TRAF3IP3: variants seen among roughly 807,000 people sequenced by gnomAD.
TRAF3IP3 encodes TRAF3 interacting protein 3, also known as TRAF3-interacting JNK-activating modulator.
A neutral mutation model predicts 86.5 loss-of-function variants in TRAF3IP3; 64 were observed. That is an observed-to-expected ratio of 0.74 (90% CI 0.60 to 0.91). TRAF3IP3 has a LOEUF of 0.91. Ranked by LOEUF, TRAF3IP3 falls within the 40% of genes least tolerant of loss-of-function variation. The probability of loss-of-function intolerance (pLI) is 0.00; values close to 1 mark genes in which losing one functional copy is unlikely to be tolerated. For synonymous variants in TRAF3IP3, 220 were observed against 243.9 expected, an observed-to-expected ratio of 0.90 and a Z score of 0.91; for missense variants, 579 against 642.9, an observed-to-expected ratio of 0.90 and a Z score of 1.07.
chr1:209,769,578 C>A (rs889725993), intron 8 of TRAF3IP3, among the ~76,000 whole-genome samples: 14 of 152,356 alleles, frequency 9.2e-5, no homozygotes, highest in African/African-American at 3.4e-4. Context: ...CACCCCCTGG[C>A]TCCCATGGTT....
In TRAF3IP3 at chr1:209,760,317, C is replaced by T. The variant is rs1274828482; in HGVS notation, c.278C>T (p.Pro93Leu). Residue 93 changes from proline to leucine, a missense_variant, in exon 3 of 17, where the codon CCA becomes CTA. Transcript: ENST00000367025. ...QAREQGPSRR[P>L]GQVTVLKEPL... ...AGGGAGCAAGGGCCCTCCAGGCGGC[C>T]AGGACAGGTGACTGTCCTCAAGGAA... The T allele has an allele frequency of 8.7e-6, 14 of 1,613,826 alleles. No individual in the cohort carries two copies. Among genetic ancestry groups the T allele is most frequent in the African/African-American group, 1.3e-5 (1 of 74,930 alleles).
chr1:209,759,455 G>A (rs997963573), intron 2 of TRAF3IP3, among the ~76,000 whole-genome samples: 2 of 152,224 alleles, frequency 1.3e-5, no homozygotes, highest in African/African-American at 4.8e-5. Context: ...CTGAGGGGGT[G>A]TGGTTAGCCC....
chr1:209,775,802 C>G, intron 11 of TRAF3IP3, 66 bp downstream of exon 11: 1 of 1,503,452 alleles, frequency 6.7e-7, no homozygotes, highest in Non-Finnish European at 9.0e-7. Flanking sequence ...ATGAAAGAAG[C>G]TGTTCTGGAT....
chr1:209,770,287 G>A (rs2077440188), intron 8 of TRAF3IP3, among the ~76,000 whole-genome samples: 2 of 152,178 alleles, frequency 1.3e-5, no homozygotes, highest in Non-Finnish European at 2.9e-5. Flanking sequence ...CTTGAGTCTA[G>A]TATGTACGTG....
chr1:209,778,014 C>T, intron 12 of TRAF3IP3, 97 bp from the exon 13 acceptor site: 1 of 1,079,662 alleles, frequency 9.3e-7, no homozygotes, highest in Non-Finnish European at 1.4e-6. Context: ...CGTTAAAGAC[C>T]ATGACAAGAC....
At chr1:209,771,279 C>T (rs1456733843) in intron 8 of TRAF3IP3, among the ~76,000 whole-genome samples, 2 of 83,632 alleles carry the variant, frequency 2.4e-5, no homozygotes, top group Non-Finnish European at 4.7e-5. Flanking sequence ...AGGTGTGCAT[C>T]TGCATGTGAA....
chr1:209,770,933 C>T (rs180723626), intron 8 of TRAF3IP3, among the ~76,000 whole-genome samples: 2 of 129,498 alleles, frequency 1.5e-5, no homozygotes, highest in East Asian at 5.0e-4. Context: ...TGTGCGTGTG[C>T]AGGTGGAGGT....
rs1375773423 is a variant in TRAF3IP3, at chr1:209,779,313, A to G, written c.1253-2A>G. ...AGACAAGTTCCTTGTGTTTTCCAAC[A>G]GGTTTGCTTCAAAATCAATCCTTAC... On this transcript the variant is annotated splice_acceptor_variant, in intron 13 of 16. Transcript: ENST00000367025. LOFTEE classifies it high-confidence loss of function. 6.2e-7 allele frequency: 1 copy of G among 1,613,984 alleles called. No individual in the cohort carries two copies. Among genetic ancestry groups the G allele is most frequent in the Non-Finnish European group, 8.5e-7 (1 of 1,179,946 alleles).
At chr1:209,781,273 G>C (rs1333260194) in intron 15 of TRAF3IP3, 72 bp from the exon 16 acceptor site, 2 of 979,234 alleles carry the variant, frequency 2.0e-6, no homozygotes, top group East Asian at 5.0e-5. Flanking sequence ...AACTTACAAA[G>C]GGCAGTCTCC....
chr1:209,765,227 GAGGAAGGAAGGA>G (rs60018350), intron 8 of TRAF3IP3, among the ~76,000 whole-genome samples: 1,381 of 58,144 alleles, frequency 0.024, 27 homozygotes, highest in South Asian at 0.034. Context: ...GAGAGAGAGA[GAGGAAGGAAGGA>G]AGGAAGGAAG....
At chr1:209,771,597 T>C (rs1396665687) in intron 8 of TRAF3IP3, among the ~76,000 whole-genome samples, 1 of 119,060 alleles carries the variant, frequency 8.4e-6, no homozygotes, top group Admixed American at 9.7e-5. Flanking sequence ...TGTGGAGGTG[T>C]GTGTGCGCAT....
At position 209,763,452 on chromosome 1, in the gene TRAF3IP3, G is replaced by T. The variant is rs368909821; in HGVS notation, c.607-40G>T. ...CATCCACTTACCCCCGATCCTCCAG[G>T]TTAATCTTACCCTCTTGCACTTTGT... On this transcript the variant is annotated intron_variant, in intron 7 of 16. Transcript: ENST00000367025. 5.6e-6 allele frequency: 9 copies of T among 1,613,264 alleles called. No homozygotes were observed. The African/African-American group carries it at 1.1e-4, about 19-fold the overall frequency.
In TRAF3IP3 at chr1:209,781,925, G is replaced by A. The variant is rs575061853; in HGVS notation, c.1564-131G>A. On this transcript the variant is annotated intron_variant, in intron 16 of 16. Transcript: ENST00000367025. ...GACAGGTGACAAAATGGGAGACAGA[G>A]TAAAAAGCTTTTTCTCCACCACCAA... 2.3e-5 allele frequency: 16 copies of A among 682,532 alleles called. No homozygotes were observed. The Admixed American group carries it at 3.6e-4, about 15-fold the overall frequency. 42.3% of individuals were successfully genotyped at this position (682,532 alleles called of 1,614,324 possible).
chr1:209,780,130 A>G (rs1324738432), intron 14 of TRAF3IP3: 1 of 168,074 alleles, frequency 5.9e-6, no homozygotes, highest in Non-Finnish European at 1.3e-5. Flanking sequence ...GTATTAAAGC[A>G]TTTACCAAAC....
In TRAF3IP3 at chr1:209,775,499, T is replaced by A. The variant is rs1558027011; in HGVS notation, c.915+10T>A. ...ACTACAGAGCACACAGGTATGGGGA[T>A]GCCACATAGACATGGGGCTGGGGAC... is the stretch of plus-strand genomic sequence containing the variant. On this transcript the variant is annotated intron_variant, in intron 10 of 16. Coordinates refer to ENST00000367025, the MANE Select transcript of TRAF3IP3 (RefSeq NM_025228.4). 3.1e-6 allele frequency: 5 copies of A among 1,614,202 alleles called. No individual in the cohort carries two copies. Among genetic ancestry groups the A allele is most frequent in the Non-Finnish European group, 3.4e-6 (4 of 1,180,024 alleles).
At chr1:209,777,529 G>T in intron 12 of TRAF3IP3, 42 bp downstream of exon 12, 3 of 1,516,410 alleles carry the variant, frequency 2.0e-6, no homozygotes, top group Non-Finnish European at 2.7e-6. Context: ...GGCAGCCATG[G>T]CCAAGTGAGC....
intron 9 of TRAF3IP3, 81 bp downstream of exon 9, chr1:209,773,100 C>G (rs143274417): frequency 9.1e-6 from 11 of 1,213,052 alleles, no homozygotes; most frequent in Non-Finnish European, 1.3e-5. Context: ...ATCTTACTTT[C>G]GAGAAACACC....
chr1:209,777,996 T>C (rs1292748965), intron 12 of TRAF3IP3, 115 bp from the exon 13 acceptor site: 12 of 917,436 alleles, frequency 1.3e-5, no homozygotes, highest in African/African-American at 6.7e-5. Context: ...CAACTTCCAA[T>C]AGACACACGT....
At chr1:209,771,664 GGT>G (rs2077532928) in intron 8 of TRAF3IP3, among the ~76,000 whole-genome samples, 1 of 140,484 alleles carries the variant, frequency 7.1e-6, no homozygotes, top group South Asian at 2.4e-4. Context: ...TGCATGTGAA[GGT>G]GTGTGTTCAG....
Sources: allele counts gnomAD v4.1 joint callset (sites outside exome capture counted in the v4.1 genomes callset), GRCh38; gene constraint gnomAD v4.1.1; transcripts MANE v1.5; gene names NCBI Gene and HGNC (gene_info 2026-07-23, HGNC 2026-07-21).